LRP1B: variants seen among roughly 807,000 people sequenced by gnomAD.
LRP1B encodes LDL receptor related protein 1B.
LRP1B carries 217 observed loss-of-function variants against 556.6 expected under a neutral mutation model. The observed-to-expected ratio is 0.39, with a 90% CI of 0.35 to 0.44. The LOEUF (loss-of-function observed/expected upper bound fraction) is 0.44. Ranked by LOEUF, LRP1B falls within the 20% of genes least tolerant of loss-of-function variation. The probability of loss-of-function intolerance (pLI) is 1.00; values close to 1 mark genes in which losing one functional copy is unlikely to be tolerated. For synonymous variants in LRP1B, 2,047 were observed against 1,865.8 expected, an observed-to-expected ratio of 1.10 and a Z score of -2.50; for missense variants, 5,053 against 5,620.8, an observed-to-expected ratio of 0.90 and a Z score of 3.23.
intron 3 of LRP1B, among the ~76,000 whole-genome samples, chr2:141,323,758 C>A (rs756007206): frequency 8.6e-5 from 13 of 151,984 alleles, no homozygotes; most frequent in Non-Finnish European, 1.5e-4. Flanking sequence ...GTTTTCTGGT[C>A]CAGTGGAGCA....
At chr2:141,897,122 G>A (rs1427232054) in intron 1 of LRP1B, among the ~76,000 whole-genome samples, 2 of 152,044 alleles carry the variant, frequency 1.3e-5, no homozygotes, top group African/African-American at 4.8e-5. Flanking sequence ...TGATTTTAAA[G>A]TATAATCTTA....
intron 3 of LRP1B, among the ~76,000 whole-genome samples, chr2:141,379,866 T>C (rs1689574036): frequency 6.6e-6 from 1 of 152,140 alleles, no homozygotes; most frequent in Non-Finnish European, 1.5e-5. Flanking sequence ...AGATTCTCCA[T>C]GAAAGGGATT....
In LRP1B at chr2:140,485,535, A is replaced by G; in HGVS notation, c.9244-11T>C. 6.2e-7 allele frequency: 1 copy of G among 1,603,132 alleles called. No individual in the cohort carries two copies. Among genetic ancestry groups the G allele is most frequent in the South Asian group, 1.1e-5 (1 of 89,306 alleles). ...TGTGTTATGAACTACCTACAAAACA[A>G]GAATTTAAAAGGTTAACAGCGTAAA... On this transcript the variant is annotated splice_polypyrimidine_tract_variant and intron_variant, in intron 58 of 90. Transcript: ENST00000389484.
chr2:141,114,234 A>G (rs1260133679), intron 7 of LRP1B, among the ~76,000 whole-genome samples: 1 of 152,206 alleles, frequency 6.6e-6, no homozygotes, highest in Non-Finnish European at 1.5e-5. Context: ...GTGTGCTACA[A>G]TTAATGCTCT....
intron 79 of LRP1B, 88 bp downstream of exon 79, chr2:140,334,365 T>C: frequency 1.2e-6 from 1 of 813,250 alleles, no homozygotes; most frequent in Non-Finnish European, 2.1e-6. Flanking sequence ...GTAAAAATAC[T>C]TATATTGCCA....
At chr2:141,537,067 G>T (rs891118037) in intron 2 of LRP1B, among the ~76,000 whole-genome samples, 1 of 151,934 alleles carries the variant, frequency 6.6e-6, no homozygotes, top group Non-Finnish European at 1.5e-5. Flanking sequence ...ATTGTTCCAA[G>T]AGTAAGAATT....
Position 140,303,178 on chromosome 2 carries a change from ATCTT to A in LRP1B, c.12806-5213_12806-5210del, listed in dbSNP as rs1683916273. Among the ~76,000 whole-genome samples, 2 of 151,538 alleles carry A rather than the reference ATCTT, an allele frequency of 1.3e-5. 1 individual carries two copies. Among genetic ancestry groups the A allele is most frequent in the South Asian group, 4.1e-4 (2 of 4,822 alleles). On this transcript the variant is annotated intron_variant, in intron 83 of 90. Coordinates refer to ENST00000389484, the MANE Select transcript of LRP1B (RefSeq NM_018557.3). ...TCATAGATAGAAATTCTTTACATAT[ATCTT>A]CTAAAATGTTCCAGCAATGGGTCAT...
rs1291631689 is a variant in LRP1B, at chr2:141,217,282, G to A, written c.850+11901C>T. Among the ~76,000 whole-genome samples the A allele has an allele frequency of 1.3e-5, 2 of 152,030 alleles. 1 individual carries two copies. Among genetic ancestry groups the A allele is most frequent in the Middle Eastern group, 6.3e-3 (2 of 316 alleles). ...AACTCCCTCCACTTTCTTGCTCCTA[G>A]TTTTGTAGGTTCATTTTCTCATCTA... is the stretch of plus-strand genomic sequence containing the variant. On this transcript the variant is annotated intron_variant, in intron 6 of 90. Transcript: ENST00000389484.
chr2:141,286,600 T>C (rs1453884174), intron 3 of LRP1B, among the ~76,000 whole-genome samples: 1 of 152,202 alleles, frequency 6.6e-6, no homozygotes, highest in Non-Finnish European at 1.5e-5. Context: ...GAGTTTTCTT[T>C]TTGGGAAGAT....
rs535489039 is a variant in LRP1B at position 141,619,582 on chromosome 2, CT to C, written c.206-139050del. Among the ~76,000 whole-genome samples the C allele has an allele frequency of 2.9e-3, 446 of 152,244 alleles. 3 individuals are homozygous for C. The highest frequency in any genetic ancestry group is 5.1e-3 in the Non-Finnish European group (346 of 68,016). Reference sequence around the variant, plus strand: ...AAATATGTACTAGGAAATTTTCTCTCTTAAAAATATATAATAATCAACCACA... The same window carrying C: ...AAATATGTACTAGGAAATTTTCTCTCTAAAAATATATAATAATCAACCACA... On this transcript the variant is annotated intron_variant, in intron 2 of 90. Coordinates refer to ENST00000389484, the MANE Select transcript of LRP1B (RefSeq NM_018557.3).
At chr2:141,038,118 A>G (rs536049870) in intron 11 of LRP1B, among the ~76,000 whole-genome samples, 1 of 139,234 alleles carries the variant, frequency 7.2e-6, no homozygotes, top group Non-Finnish European at 1.6e-5. Context: ...TCAGCCCAGA[A>G]AAGTAAAAAC....
At chr2:141,670,075 T>C (rs1295213169) in intron 2 of LRP1B, among the ~76,000 whole-genome samples, 1 of 152,166 alleles carries the variant, frequency 6.6e-6, no homozygotes, top group Non-Finnish European at 1.5e-5. Flanking sequence ...TTGAGCAGCA[T>C]TAATAAACGA....
chr2:141,689,535 T>C (rs1292945588), intron 2 of LRP1B, among the ~76,000 whole-genome samples: 5 of 148,428 alleles, frequency 3.4e-5, no homozygotes, highest in African/African-American at 9.7e-5. Flanking sequence ...TATGTATTGC[T>C]ATTGCTTTAT....
intron 1 of LRP1B, among the ~76,000 whole-genome samples, chr2:142,010,370 C>A (rs1168919013): frequency 6.6e-6 from 1 of 151,540 alleles, no homozygotes; most frequent in Non-Finnish European, 1.5e-5. Context: ...CTGGCTAACA[C>A]GGTGAAACCC....
chr2:140,421,474 A>G (rs145278773), intron 66 of LRP1B, among the ~76,000 whole-genome samples: 12 of 152,200 alleles, frequency 7.9e-5, no homozygotes, highest in African/African-American at 1.7e-4. Context: ...GCCGACTCTA[A>G]TTATGTAATT....
intron 43 of LRP1B, among the ~76,000 whole-genome samples, chr2:140,548,910 G>A (rs780953827): frequency 6.6e-6 from 1 of 152,014 alleles, no homozygotes; most frequent in African/African-American, 2.4e-5. Flanking sequence ...GGGTGACAGA[G>A]CAAGACTCTG....
At chr2:140,629,846 A>G (rs1683814562) in intron 41 of LRP1B, among the ~76,000 whole-genome samples, 1 of 152,234 alleles carries the variant, frequency 6.6e-6, no homozygotes, top group African/African-American at 2.4e-5. Context: ...ATATTTTTAC[A>G]TGACAAAAAT....
intron 6 of LRP1B, among the ~76,000 whole-genome samples, chr2:141,225,118 C>T (rs1312168984): frequency 6.6e-6 from 1 of 152,020 alleles, no homozygotes; most frequent in Non-Finnish European, 1.5e-5. Flanking sequence ...AGATAAAAGC[C>T]TGTGAATGGG....
Position 141,149,080 on chromosome 2 carries a change from CAA to C in LRP1B, c.1013+39339_1013+39340del, listed in dbSNP as rs1022553228. Among the ~76,000 whole-genome samples the C allele has an allele frequency of 2.8e-5, 4 of 144,030 alleles. No individual in the cohort carries two copies. The East Asian group carries it at 8.0e-4, about 29-fold the overall frequency. The allele number at this position is 144,030 out of a possible 152,430, so 94.5% of individuals were successfully genotyped here. On this transcript the variant is annotated intron_variant, in intron 7 of 90. Transcript: ENST00000389484. ...GGTGGAGTGCAGTGGTGCGATCTCTCAAAAAAAAAAGTGAGGAATTCCTGAGG... is the reference window on the plus strand; with the variant it reads ...GGTGGAGTGCAGTGGTGCGATCTCTCAAAAAAAAGTGAGGAATTCCTGAGG...
Sources: gnomAD v4.1 joint callset for allele counts (sites outside exome capture counted in the v4.1 genomes callset) on GRCh38, gnomAD v4.1.1 for gene constraint, MANE v1.5 for transcripts, NCBI Gene and HGNC (gene_info 2026-07-23, HGNC 2026-07-21) for gene names.